The following SYMPK variants were observed in gnomAD, a reference collection of about 807,000 sequenced individuals.
SYMPK encodes symplekin.
In SYMPK, 49 loss-of-function variants were observed where a neutral mutation model predicts 136.4. That is an observed-to-expected ratio of 0.36 (90% CI 0.29 to 0.46). The LOEUF is 0.46. Among genes scored for constraint, SYMPK ranks in the 20% least tolerant of loss-of-function variants. The probability of loss-of-function intolerance (pLI) is 1.00; values close to 1 mark genes in which losing one functional copy is unlikely to be tolerated. For missense variants in SYMPK, 1,365 were observed against 1,690.0 expected (o/e 0.81, Z 3.37); for synonymous variants, 766 against 713.0 (o/e 1.07, Z -1.19).
rs527636330 is a variant in SYMPK, at chr19:45,838,764, C to G, written c.1088-149G>C. The G allele has an allele frequency of 3.4e-6, 3 of 886,524 alleles. No individual in the cohort carries two copies. In the Admixed American group the frequency reaches 8.6e-5, roughly 25 times the overall value. 54.9% of individuals were successfully genotyped at this position (886,524 alleles called of 1,614,324 possible). Reference sequence around the variant, plus strand: ...GAAGATCCAGGCTGCAGCTCTGCCTCTGGTGCCAAACCACTTTATGACCCT... The same window carrying G: ...GAAGATCCAGGCTGCAGCTCTGCCTGTGGTGCCAAACCACTTTATGACCCT... On this transcript the variant is annotated intron_variant, in intron 9 of 26. Coordinates refer to ENST00000245934, the MANE Select transcript of SYMPK (RefSeq NM_004819.3).
At chr19:45,827,424 G>A in intron 16 of SYMPK, 86 bp downstream of exon 16, 1 of 881,680 alleles carries the variant, frequency 1.1e-6, no homozygotes, top group African/African-American at 1.7e-5. Context: ...AAGGGAGTGT[G>A]GAAGACGTGG....
At chr19:45,831,846 G>A (rs1482379142) in intron 11 of SYMPK, among the ~76,000 whole-genome samples, 1 of 151,916 alleles carries the variant, frequency 6.6e-6, no homozygotes, top group Non-Finnish European at 1.5e-5. Context: ...AGCAGTTTTT[G>A]TTTTTTAGAC....
intron 12 of SYMPK, 137 bp from the exon 13 acceptor site, chr19:45,830,341 T>A: frequency 2.0e-6 from 2 of 992,974 alleles, no homozygotes; most frequent in South Asian, 1.6e-5. Flanking sequence ...AGTTCCTCTG[T>A]GTCTCTGAGG....
chr19:45,815,491 G>C lies in SYMPK; in HGVS notation c.*69C>G. On this transcript the variant is annotated 3_prime_UTR_variant, in exon 27 of 27. Transcript: ENST00000245934. ...TATTTCTTTTTAAGGCAAAGCACCCGCAGGTCAAGCCCCGCCCCGTCCCCC... is the reference window on the plus strand; with the variant it reads ...TATTTCTTTTTAAGGCAAAGCACCCCCAGGTCAAGCCCCGCCCCGTCCCCC... The C allele has an allele frequency of 1.6e-6, 2 of 1,222,016 alleles. No homozygotes were observed. The highest frequency in any genetic ancestry group is 3.2e-5 in the South Asian group (2 of 62,580). The allele number at this position is 1,222,016 out of a possible 1,614,324, so 75.7% of individuals were successfully genotyped here. A position where few individuals can be genotyped will look rare whatever the true frequency, so the allele number is the denominator to read the frequency against.
intron 9 of SYMPK, 46 bp downstream of exon 9, chr19:45,842,204 A>T: frequency 6.2e-7 from 1 of 1,610,402 alleles, no homozygotes; most frequent in Non-Finnish European, 8.5e-7. Flanking sequence ...AAATAATGAA[A>T]CATTTCAGCA....
chr19:45,831,314 C>T lies in SYMPK; in HGVS notation c.1598+70G>A. The T allele has an allele frequency of 2.3e-6, 3 of 1,320,788 alleles. No homozygotes were observed. In the South Asian group the frequency reaches 4.7e-5, roughly 21 times the overall value. The allele number at this position is 1,320,788 out of a possible 1,614,324, so 81.8% of individuals were successfully genotyped here. On this transcript the variant is annotated intron_variant, in intron 12 of 26. Transcript: ENST00000245934. Reference sequence around the variant, plus strand: ...ACACACGCACACGCACACGCACACGCACACGAGCTGAGAACCAGACCTTCA... The same window carrying T: ...ACACACGCACACGCACACGCACACGTACACGAGCTGAGAACCAGACCTTCA...
At chr19:45,825,548 C>CT (rs1290709981) in intron 17 of SYMPK, among the ~76,000 whole-genome samples, 2 of 152,072 alleles carry the variant, frequency 1.3e-5, no homozygotes, top group Non-Finnish European at 2.9e-5. Flanking sequence ...CTAGAAGGAT[C>CT]TTTCTAAAGT....
At position 45,816,759 on chromosome 19, in the gene SYMPK, GGGTGGGGGGAAAGGGTACCT is replaced by G. The variant is rs781400460; in HGVS notation, c.3258+19_3258+38del. On this transcript the variant is annotated intron_variant, in intron 24 of 26. Coordinates refer to ENST00000245934, the MANE Select transcript of SYMPK (RefSeq NM_004819.3). ...CAGGGGGCCGCCCACCGCACACCCT[GGGTGGGGGGAAAGGGTACCT>G]GGTGGGGGGAAGGGGTACCTGGTGG... The G allele has an allele frequency of 1.1e-5, 17 of 1,494,270 alleles. No homozygotes were observed. Among genetic ancestry groups the G allele is most frequent in the East Asian group, 2.5e-5 (1 of 40,532 alleles). 92.6% of individuals were successfully genotyped at this position (1,494,270 alleles called of 1,614,324 possible). A position where few individuals can be genotyped will look rare whatever the true frequency, so the allele number is the denominator to read the frequency against.
At chr19:45,857,481 C>T (rs111404322) in intron 1 of SYMPK, among the ~76,000 whole-genome samples, 11,467 of 147,220 alleles carry the variant, frequency 0.078, 515 homozygotes, top group Non-Finnish European at 0.099. Flanking sequence ...AATCTGAGGA[C>T]GGTGAAAATG....
intron 18 of SYMPK, 147 bp from the exon 19 acceptor site, chr19:45,824,022 A>T: frequency 2.1e-6 from 1 of 468,568 alleles, no homozygotes. Flanking sequence ...AAGGTGGGGA[A>T]GGGCAGGAGA....
intron 22 of SYMPK, among the ~76,000 whole-genome samples, chr19:45,818,520 C>T (rs576424890): frequency 6.6e-6 from 1 of 152,322 alleles, no homozygotes; most frequent in East Asian, 1.9e-4. Flanking sequence ...TTTCTACCAG[C>T]CCCTCCAGAG....
chr19:45,862,881 G>A (rs1186654153), intron 1 of SYMPK, among the ~76,000 whole-genome samples, 177 bp downstream of exon 1: 1 of 152,226 alleles, frequency 6.6e-6, no homozygotes, highest in African/African-American at 2.4e-5. Context: ...GGCCACGTTG[G>A]AACTTTGCCT....
At chr19:45,835,869 G>A (rs960327822) in intron 10 of SYMPK, among the ~76,000 whole-genome samples, 1 of 151,684 alleles carries the variant, frequency 6.6e-6, no homozygotes, top group Non-Finnish European at 1.5e-5. Context: ...CCGAGATCGC[G>A]CTACTGCACT....
rs1970891610 is a variant in SYMPK, at chr19:45,821,439, C to G, written c.2838G>C (p.Leu946=). ...ALSPLNPGEL[L]IALHNIDSVK... ...CGGAGTCAATGTTGTGTAATGCGAT[C>G]AGGAGCTCTCCAGGGTTCAGCGGGG... Residue 946 remains leucine (L), a synonymous_variant, in exon 22 of 27, where the codon CTG becomes CTC. Coordinates refer to ENST00000245934, the MANE Select transcript of SYMPK (RefSeq NM_004819.3). The surrounding 1 kb of genome is among the most constrained non-coding windows in gnomAD (Gnocchi z 4.4). 5 of 1,614,062 alleles carry G rather than the reference C, an allele frequency of 3.1e-6. No individual in the cohort carries two copies. Among genetic ancestry groups the G allele is most frequent in the Non-Finnish European group, 4.2e-6 (5 of 1,180,018 alleles).
chr19:45,834,830 G>T (rs1971266036), intron 11 of SYMPK, among the ~76,000 whole-genome samples: 2 of 152,158 alleles, frequency 1.3e-5, no homozygotes, highest in Non-Finnish European at 2.9e-5. Flanking sequence ...TAACTAACTT[G>T]ACCAAAGTCA....
At chr19:45,841,674 AAAGTT>A (rs1244329300) in intron 9 of SYMPK, among the ~76,000 whole-genome samples, 9 of 152,226 alleles carry the variant, frequency 5.9e-5, no homozygotes, top group Non-Finnish European at 1.3e-4. Flanking sequence ...AAAAAATCTT[AAAGTT>A]AAGAAAAGCC....
chr19:45,861,469 G>A lies in SYMPK; in HGVS notation c.-13+1589C>T, dbSNP rs562166957. ...AAAGAGCATACACAGGGCCGGGAGC[G>A]GTGACTCACGCCTGTAATCCCAGCA... On this transcript the variant is annotated intron_variant, in intron 1 of 26. Transcript: ENST00000245934. Among the ~76,000 whole-genome samples the A allele has an allele frequency of 6.6e-5, 10 of 152,274 alleles. No homozygotes were observed. The South Asian group carries it at 1.4e-3, about 22-fold the overall frequency.
intron 21 of SYMPK, 77 bp downstream of exon 21, chr19:45,822,679 G>A: frequency 1.6e-6 from 2 of 1,229,402 alleles, no homozygotes; most frequent in Non-Finnish European, 2.4e-6. Context: ...CCCTGAGGGG[G>A]GTGCCTGCAC....
intron 10 of SYMPK, among the ~76,000 whole-genome samples, chr19:45,837,762 T>C (rs889564267): frequency 2.2e-4 from 34 of 151,966 alleles, no homozygotes; most frequent in Non-Finnish European, 1.0e-4. Context: ...AGGGTGGGCC[T>C]GGCCCAGGGT....
Sources: allele counts gnomAD v4.1 joint callset (sites outside exome capture counted in the v4.1 genomes callset), GRCh38; gene constraint gnomAD v4.1.1; non-coding constraint Gnocchi (gnomAD v3.1); transcripts MANE v1.5; gene names NCBI Gene and HGNC (gene_info 2026-07-23, HGNC 2026-07-21).